The following APOO variants were observed in gnomAD, a reference collection of about 807,000 sequenced individuals.
APOO encodes MICOS complex subunit MIC26.
APOO carries 11 observed loss-of-function variants against 23.1 expected under a neutral mutation model. The ratio of observed to expected loss-of-function variants is 0.48; its 90% CI spans 0.30 to 0.79. The LOEUF is 0.79. APOO is among the 30% of genes least tolerant of loss of function. APOO has a pLI of 0.07. For missense variants in APOO, 160 were observed against 142.7 expected, an observed-to-expected ratio of 1.12 and a Z score of -0.62; for synonymous variants, 59 against 54.8, an observed-to-expected ratio of 1.08 and a Z score of -0.34.
chrX:23,903,323 C>A (rs1927210306), intron 1 of APOO, among the ~76,000 whole-genome samples: 1 of 109,015 alleles, frequency 9.2e-6, no homozygotes, highest in East Asian at 2.9e-4. Context: ...TGAGCAGAAA[C>A]TGCGCCACTG....
intron 1 of APOO, among the ~76,000 whole-genome samples, chrX:23,888,943 C>A (rs1373178344): frequency 1.0e-5 from 1 of 99,361 alleles, no homozygotes; most frequent in East Asian, 3.1e-4. Flanking sequence ...AGTTTAAGAC[C>A]AGCCTGGGCA....
intron 1 of APOO, among the ~76,000 whole-genome samples, chrX:23,899,762 T>C (rs1927050934): frequency 8.9e-6 from 1 of 112,723 alleles, no homozygotes. Context: ...TATATCTAAT[T>C]TTAAATGTAC....
At chrX:23,902,614 T>G (rs190086143) in intron 1 of APOO, among the ~76,000 whole-genome samples, 107 of 112,058 alleles carry the variant, frequency 9.5e-4, no homozygotes, top group African/African-American at 3.3e-3. Flanking sequence ...ACTGGGCAGC[T>G]TTTCAAATGT....
chrX:23,899,153 A>G (rs1011510677), intron 1 of APOO, among the ~76,000 whole-genome samples: 2 of 112,135 alleles, frequency 1.8e-5, no homozygotes, highest in Non-Finnish European at 3.8e-5. Flanking sequence ...GCTTTGAATA[A>G]AACACGCTGC....
intron 7 of APOO, among the ~76,000 whole-genome samples, chrX:23,853,476 T>G (rs1162507867): frequency 9.0e-6 from 1 of 110,989 alleles, no homozygotes; most frequent in Non-Finnish European, 1.9e-5. Flanking sequence ...TCAACATTAA[T>G]TTTTTGTATT....
intron 7 of APOO, among the ~76,000 whole-genome samples, chrX:23,841,486 T>TA (rs543879334): frequency 0.027 from 1,736 of 65,027 alleles, 75 homozygotes; most frequent in African/African-American, 0.09. Context: ...AAAAGAAGTT[T>TA]AAAAAAAAAA....
chrX:23,872,182 A>C (rs1406994114), intron 4 of APOO, among the ~76,000 whole-genome samples: 1 of 111,450 alleles, frequency 9.0e-6, no homozygotes, highest in African/African-American at 3.3e-5. Flanking sequence ...AGAAAGGGGA[A>C]AGAAGATATG....
chrX:23,883,198 T>C (rs923950236), intron 1 of APOO, among the ~76,000 whole-genome samples: 1 of 111,219 alleles, frequency 9.0e-6, no homozygotes, highest in Non-Finnish European at 1.9e-5. Flanking sequence ...CCAACCTAGG[T>C]GAGGACAGGC....
chrX:23,867,875 T>C (rs1330722772), intron 5 of APOO, among the ~76,000 whole-genome samples: 1 of 112,158 alleles, frequency 8.9e-6, no homozygotes, highest in African/African-American at 3.2e-5. Context: ...GCCTCAGATA[T>C]TCCTTTATAG....
At chrX:23,862,235 CCTATTA>C (rs1328814657) in intron 5 of APOO, among the ~76,000 whole-genome samples, 3 of 110,653 alleles carry the variant, frequency 2.7e-5, no homozygotes, top group Admixed American at 2.0e-4. Context: ...CAAAACTAAA[CCTATTA>C]CTAAGTATCA....
rs1481186017 is a variant in APOO at position 23,857,254 on chromosome X, T to TA, written c.481-873_481-872insT. 2.6e-3 allele frequency among the ~76,000 whole-genome samples: 195 copies of TA among 75,453 alleles called. 1 individual carries two copies. Among genetic ancestry groups the TA allele is most frequent in the African/African-American group, 6.1e-3 (66 of 10,889 alleles). 65.5% of individuals were successfully genotyped at this position (75,453 alleles called of 115,157 possible). A position where few individuals can be genotyped will look rare whatever the true frequency, so the allele number is the denominator to read the frequency against. On this transcript the variant is annotated intron_variant, in intron 6 of 8. Transcript: ENST00000379226. Reference sequence around the variant, plus strand: ...GCTAAAAGTTAAAAAAGAAAGAAATTTAAAAAAAAAAAAAAAAGACTCCTA... The same window carrying TA: ...GCTAAAAGTTAAAAAAGAAAGAAATTATAAAAAAAAAAAAAAAAGACTCCTA...
At chrX:23,892,153 G>A (rs1458330218) in intron 1 of APOO, among the ~76,000 whole-genome samples, 2 of 108,675 alleles carry the variant, frequency 1.8e-5, no homozygotes, top group African/African-American at 6.7e-5. Flanking sequence ...GCGCAATCTC[G>A]GCTCAAGACA....
intron 1 of APOO, among the ~76,000 whole-genome samples, chrX:23,886,912 G>C (rs1035955532): frequency 5.4e-5 from 6 of 111,451 alleles, no homozygotes; most frequent in African/African-American, 2.0e-4. Flanking sequence ...GAAGGGAAAG[G>C]CTAAGATGGG....
At chrX:23,859,411 TTCTATC>T (rs764961696) in intron 5 of APOO, among the ~76,000 whole-genome samples, 1 of 109,404 alleles carries the variant, frequency 9.1e-6, no homozygotes, top group Non-Finnish European at 1.9e-5. Context: ...TTGATCTACT[TTCTATC>T]TCTATGTGTT....
At chrX:23,895,138 C>CAA (rs777554795) in intron 1 of APOO, among the ~76,000 whole-genome samples, 2 of 86,425 alleles carry the variant, frequency 2.3e-5, no homozygotes. Context: ...GACTCCGCCT[C>CAA]AAAAAAAAAA....
intron 4 of APOO, among the ~76,000 whole-genome samples, chrX:23,872,335 T>C (rs1377542099): frequency 3.6e-5 from 4 of 110,180 alleles, no homozygotes; most frequent in Non-Finnish European, 7.6e-5. Flanking sequence ...AGGTTGAGGC[T>C]GCAGTGAGCT....
chrX:23,863,636 C>T (rs1925200229), intron 5 of APOO, among the ~76,000 whole-genome samples: 1 of 111,023 alleles, frequency 9.0e-6, no homozygotes, highest in African/African-American at 3.3e-5. Flanking sequence ...CCAACATACG[C>T]TTTTTTGAAA....
chrX:23,889,956 T>G (rs2520240), intron 1 of APOO, among the ~76,000 whole-genome samples: 1 of 109,869 alleles, frequency 9.1e-6, no homozygotes, highest in East Asian at 2.9e-4. Context: ...CCACCGCGCC[T>G]GGCCCACCTG....
intron 1 of APOO, among the ~76,000 whole-genome samples, chrX:23,888,960 C>G (rs1290005234): frequency 4.4e-5 from 4 of 91,062 alleles, no homozygotes; most frequent in Non-Finnish European, 8.5e-5. Flanking sequence ...GGCAACATAA[C>G]AAGACTCCAT....
Sources: allele counts gnomAD v4.1 joint callset (sites outside exome capture counted in the v4.1 genomes callset), GRCh38; gene constraint gnomAD v4.1.1; transcripts MANE v1.5; gene names NCBI Gene and HGNC (gene_info 2026-07-23, HGNC 2026-07-21).